The following XYLT2 variants were observed in gnomAD, a reference collection of about 807,000 sequenced individuals.
The protein encoded by XYLT2 is UDP-D-xylose:proteoglycan core protein beta-D-xylosyltransferase.
A neutral mutation model predicts 82.6 loss-of-function variants in XYLT2; 37 were observed. The ratio of observed to expected loss-of-function variants is 0.45; its 90% CI spans 0.34 to 0.59. The LOEUF (loss-of-function observed/expected upper bound fraction) is 0.59. XYLT2 is among the 20% of genes least tolerant of loss of function. The pLI, the probability that XYLT2 is intolerant of heterozygous loss-of-function variation, is 0.01. For synonymous variants in XYLT2, 474 were observed against 499.0 expected (o/e 0.95, Z 0.67); for missense variants, 934 against 1,181.3 (o/e 0.79, Z 3.07).
In XYLT2 at chr17:50,360,664, CAGGAAGTGGGCCA is replaced by C; in HGVS notation, c.*374_*386del. The C allele has an allele frequency of 9.9e-7, 1 of 1,007,084 alleles. No homozygotes were observed. The allele number at this position is 1,007,084 out of a possible 1,614,324, so 62.4% of individuals were successfully genotyped here. On this transcript the variant is annotated 3_prime_UTR_variant, in exon 11 of 11. Transcript: ENST00000017003. ...TGTGCAATAGGGCTCAGAGCAGCCC[CAGGAAGTGGGCCA>C]TGTCTGTGGGGAGCAGGGGCTTGCT...
intron 1 of XYLT2, among the ~76,000 whole-genome samples, chr17:50,348,871 G>GC (rs553926953): frequency 4.4e-4 from 67 of 152,312 alleles, no homozygotes; most frequent in African/African-American, 1.5e-3. Flanking sequence ...CATCAGAAGG[G>GC]CTCCTGACCT....
At position 50,359,833 on chromosome 17, in the gene XYLT2, C is replaced by T. The variant is rs779298179; in HGVS notation, c.2276-136C>T. The T allele has an allele frequency of 2.7e-4, 210 of 777,402 alleles. 1 individual carries two copies. Among genetic ancestry groups the T allele is most frequent in the Non-Finnish European group, 4.1e-4 (201 of 488,666 alleles). The allele number at this position is 777,402 out of a possible 1,614,324, so 48.2% of individuals were successfully genotyped here. On this transcript the variant is annotated intron_variant, in intron 10 of 10. Transcript: ENST00000017003. Reference sequence around the variant, plus strand: ...AGGCACAGAAAGTCCCTTGGATTAGCCCAAGGTCATTCAGCAAGCTGTGAC... The same window carrying T: ...AGGCACAGAAAGTCCCTTGGATTAGTCCAAGGTCATTCAGCAAGCTGTGAC...
chr17:50,348,738 G>C (rs1008134969), intron 1 of XYLT2, among the ~76,000 whole-genome samples: 7 of 152,324 alleles, frequency 4.6e-5, no homozygotes, highest in African/African-American at 1.7e-4. Flanking sequence ...AGGATTCTAA[G>C]GTGGAGCTAC....
At position 50,360,727 on chromosome 17, in the gene XYLT2, C is replaced by T. The variant is rs570570456; in HGVS notation, c.*436C>T. ...TGAGCCCACCTGCTATTGTTCTGCA[C>T]GAGGCTGGGCCTGCCTCACTCTCCA... On this transcript the variant is annotated 3_prime_UTR_variant, in exon 11 of 11. Coordinates refer to ENST00000017003, the MANE Select transcript of XYLT2 (RefSeq NM_022167.4). 324 of 989,388 alleles carry T rather than the reference C, an allele frequency of 3.3e-4. 4 individuals are homozygous for T. The South Asian group carries it at 0.012, about 35-fold the overall frequency. The allele number at this position is 989,388 out of a possible 1,614,324, so 61.3% of individuals were successfully genotyped here.
chr17:50,356,015 C>T lies in XYLT2; in HGVS notation c.1305+18C>T. On this transcript the variant is annotated intron_variant, in intron 6 of 10. Coordinates refer to ENST00000017003, the MANE Select transcript of XYLT2 (RefSeq NM_022167.4). The stretch of plus-strand genomic sequence containing the variant: ...CAGCCGAGGTGGGTAGCCCAGCAGG[C>T]ATGAAGGCCAGGGAGGGCGTGGGTT... 6.2e-7 allele frequency: 1 copy of T among 1,614,226 alleles called. No individual in the cohort carries two copies. The highest frequency in any genetic ancestry group is 1.1e-5 in the South Asian group (1 of 91,088).
At chr17:50,357,644 C>T (rs936392683) in intron 9 of XYLT2, 7 of 169,712 alleles carry the variant, frequency 4.1e-5, no homozygotes, top group Non-Finnish European at 7.3e-5. Context: ...GGCACAATCT[C>T]GGCTCACTGC....
rs371946896 is a variant in XYLT2 at position 50,358,235 on chromosome 17, G to A, written c.1970G>A (p.Arg657His). Residue 657 changes from arginine (R) to histidine (H), a missense_variant, in exon 10 of 11, where the codon CGT becomes CAT. Around this residue, in one of 3 missense-constraint regions of XYLT2, gnomAD observed 374 missense variants for 465.6 expected, o/e 0.80. Coordinates refer to ENST00000017003, the MANE Select transcript of XYLT2 (RefSeq NM_022167.4). ...EVGTDWDPKE[R>H]LFRNFGGLLG... ...GGCACTGATTGGGACCCCAAAGAGC[G>A]TCTTTTCCGGAACTTTGGGGGGTTA... 47 of 1,609,564 alleles carry A rather than the reference G, an allele frequency of 2.9e-5. No individual in the cohort carries two copies. Among genetic ancestry groups the A allele is most frequent in the African/African-American group, 8.0e-5 (6 of 74,904 alleles).
intron 10 of XYLT2, chr17:50,359,252 G>C (rs903117287): frequency 6.6e-6 from 1 of 152,540 alleles, no homozygotes; most frequent in African/African-American, 2.4e-5. Context: ...AGAGACACAG[G>C]CTGGGCAAAT....
Position 50,354,532 on chromosome 17 carries a change from C to A in XYLT2, c.753C>A (p.Leu251=). The A allele has an allele frequency of 6.2e-7, 1 of 1,613,274 alleles. No homozygotes were observed. Among genetic ancestry groups the A allele is most frequent in the Non-Finnish European group, 8.5e-7 (1 of 1,179,792 alleles). ...HGRAIRQLKR[L]LKAVYHEQHF... ...GCGCCATCCGCCAGCTGAAGCGTCTCCTCAAGGCCGTTTATCACGAGCAGC... is the reference window on the plus strand; with the variant it reads ...GCGCCATCCGCCAGCTGAAGCGTCTACTCAAGGCCGTTTATCACGAGCAGC... The change falls in exon 3 of 11, where the codon CTC becomes CTA. Residue 251 remains leucine, a synonymous_variant. Transcript: ENST00000017003.
At chr17:50,357,309 G>A in intron 9 of XYLT2, 57 bp downstream of exon 9, 1 of 1,464,360 alleles carries the variant, frequency 6.8e-7, no homozygotes, top group Non-Finnish European at 9.0e-7. Flanking sequence ...TGGGGTAGTG[G>A]GAAGAGAGGG....
Position 50,360,450 on chromosome 17 carries a change from G to C in XYLT2, c.*159G>C. On this transcript the variant is annotated 3_prime_UTR_variant, in exon 11 of 11. Coordinates refer to ENST00000017003, the MANE Select transcript of XYLT2 (RefSeq NM_022167.4). The stretch of plus-strand genomic sequence containing the variant: ...ACGGCAGGGAAGGTGGACACAGTAT[G>C]AACTACTGCTGATGTCTCTGTTGGG... 2 of 1,414,016 alleles carry C rather than the reference G, an allele frequency of 1.4e-6. No homozygotes were observed. Among genetic ancestry groups the C allele is most frequent in the Non-Finnish European group, 1.8e-6 (2 of 1,088,150 alleles). 87.6% of individuals were successfully genotyped at this position (1,414,016 alleles called of 1,614,324 possible). A position where few individuals can be genotyped will look rare whatever the true frequency, so the allele number is the denominator to read the frequency against.
At position 50,356,659 on chromosome 17, in the gene XYLT2, C is replaced by A. The variant is rs748348696; in HGVS notation, c.1631C>A (p.Ala544Asp). Residue 544 changes from alanine to aspartate, a missense_variant, in exon 8 of 11, where the codon GCT becomes GAT. Physicochemically the swap from Ala to Asp is moderately radical, Grantham distance 126 (BLOSUM62 -2). Coordinates refer to ENST00000017003, the MANE Select transcript of XYLT2 (RefSeq NM_022167.4). ...TACTGGGAGAACACCTACGACGCGG[C>A]TGATGGCCCCAGTGGGCTCAGTGAT... is the stretch of plus-strand genomic sequence containing the variant. ...KAYWENTYDAADGPSGLSDVM... is the reference protein window; with the variant it reads ...KAYWENTYDADDGPSGLSDVM... 6.2e-7 allele frequency: 1 copy of A among 1,613,980 alleles called. No homozygotes were observed. The highest frequency in any genetic ancestry group is 8.5e-7 in the Non-Finnish European group (1 of 1,180,020).
Position 50,357,091 on chromosome 17 carries a change from C to T in XYLT2, c.1780C>T (p.Leu594=). 5 of 1,613,274 alleles carry T rather than the reference C, an allele frequency of 3.1e-6. No homozygotes were observed. Among genetic ancestry groups the T allele is most frequent in the Middle Eastern group, 1.7e-4 (1 of 6,058 alleles). Residue 594 remains leucine, a synonymous_variant, in exon 9 of 11, where the codon CTG becomes TTG. Coordinates refer to ENST00000017003, the MANE Select transcript of XYLT2 (RefSeq NM_022167.4). The part of the protein sequence containing the change: ...EPRGLPSSVH[L]YFYDDHFQGY... Reference sequence around the variant, plus strand: ...CAGGGGCTTGCCGTCCAGCGTGCACCTGTATTTCTATGACGACCATTTCCA... The same window carrying T: ...CAGGGGCTTGCCGTCCAGCGTGCACTTGTATTTCTATGACGACCATTTCCA...
rs999481318 is a variant in XYLT2, at chr17:50,360,564, T to G, written c.*273T>G. On this transcript the variant is annotated 3_prime_UTR_variant, in exon 11 of 11. Coordinates refer to ENST00000017003, the MANE Select transcript of XYLT2 (RefSeq NM_022167.4). ...ACCTTCCTGTCTAGTTTGAATTTCTTTTTTTTCTTTTTTTTTTTTTTTTTT... is the reference window on the plus strand; with the variant it reads ...ACCTTCCTGTCTAGTTTGAATTTCTGTTTTTTCTTTTTTTTTTTTTTTTTT... 9.2e-7 allele frequency: 1 copy of G among 1,088,360 alleles called. No individual in the cohort carries two copies. Among genetic ancestry groups the G allele is most frequent in the Non-Finnish European group, 1.1e-6 (1 of 913,592 alleles). The allele number at this position is 1,088,360 out of a possible 1,614,324, so 67.4% of individuals were successfully genotyped here.
At position 50,353,825 on chromosome 17, in the gene XYLT2, C is replaced by T. The variant is rs1912375263; in HGVS notation, c.331C>T (p.Pro111Ser). ...SRQRASRRVP[P>S]APPPEAPGRQ... ...GCAGAGAGCCAGCCGGCGGGTCCCA[C>T]CTGCCCCACCCCCGGAAGCCCCAGG... The change falls in exon 2 of 11, where the codon CCT (proline) becomes TCT (serine). Residue 111 changes from proline (P) to serine (S), a missense_variant. By Grantham distance (74) the Pro-to-Ser change is moderately conservative. Around this residue, in one of 3 missense-constraint regions of XYLT2, gnomAD observed 371 missense variants for 394.9 expected, o/e 0.94. Coordinates refer to ENST00000017003, the MANE Select transcript of XYLT2 (RefSeq NM_022167.4). 6.3e-7 allele frequency: 1 copy of T among 1,586,428 alleles called. No individual in the cohort carries two copies.
chr17:50,347,335 C>T (rs1457336380), intron 1 of XYLT2, among the ~76,000 whole-genome samples: 1 of 152,226 alleles, frequency 6.6e-6, no homozygotes, highest in Non-Finnish European at 1.5e-5. Context: ...CCGCATCTCG[C>T]CAGTCTGGAA....
At position 50,346,312 on chromosome 17, in the gene XYLT2, C is replaced by G; in HGVS notation, c.135+37C>G. 1 of 1,026,718 alleles carries G rather than the reference C, an allele frequency of 9.7e-7. No individual in the cohort carries two copies. Among genetic ancestry groups the G allele is most frequent in the South Asian group, 4.3e-5 (1 of 23,488 alleles). 63.6% of individuals were successfully genotyped at this position (1,026,718 alleles called of 1,614,324 possible). A position where few individuals can be genotyped will look rare whatever the true frequency, so the allele number is the denominator to read the frequency against. On this transcript the variant is annotated intron_variant, in intron 1 of 10. Transcript: ENST00000017003. This position sits in a 1 kb window ranked among gnomAD's most constrained non-coding sequence, Gnocchi z 5.1. ...GCCGGGCGGGCGGGCAGGCCGGGCG[C>G]GGGGGCGCGCGGGGTCCTGGCGGGG...
rs780364386 is a variant in XYLT2 at position 50,354,034 on chromosome 17, G to A, written c.540G>A (p.Gln180=). The A allele has an allele frequency of 3.7e-6, 6 of 1,608,270 alleles. No individual in the cohort carries two copies. Among genetic ancestry groups the A allele is most frequent in the South Asian group, 1.1e-5 (1 of 91,082 alleles). ...CACTGGCCCGGGCCAGCACCAAGCA[G>A]TGCCAGCAGGAGATCGCCAATGTGG... ...LSALARASTK[Q]CQQEIANVVC... The change falls in exon 2 of 11, where the codon CAG becomes CAA. Residue 180 remains glutamine (Q), a synonymous_variant. Coordinates refer to ENST00000017003, the MANE Select transcript of XYLT2 (RefSeq NM_022167.4).
intron 1 of XYLT2, among the ~76,000 whole-genome samples, chr17:50,351,606 C>CCTGGGCAACAGAGCAAGACT (rs1488915709): frequency 6.6e-5 from 10 of 152,122 alleles, no homozygotes; most frequent in African/African-American, 1.9e-4. Flanking sequence ...TGCACCCCAG[C>CCTGGGCAACAGAGCAAGACT]CTGGGCAACA....
Sources: gnomAD v4.1 joint callset for allele counts (sites outside exome capture counted in the v4.1 genomes callset) on GRCh38, gnomAD v4.1.1 for gene constraint, gnomAD v4.1.1 regional missense constraint, Gnocchi (gnomAD v3.1) non-coding constraint, MANE v1.5 for transcripts, NCBI Gene and HGNC (gene_info 2026-07-23, HGNC 2026-07-21) for gene names.